Variants in SETD2 observed in about 807,000 individuals in gnomAD.
The protein encoded by SETD2 is histone-lysine N-methyltransferase SETD2.
In SETD2, 31 loss-of-function variants were observed where a neutral mutation model predicts 242.1. The observed-to-expected ratio is 0.13, with a 90% confidence interval of 0.10 to 0.17. The LOEUF is 0.17. SETD2 is among the 10% of genes least tolerant of loss of function. The probability of loss-of-function intolerance (pLI) is 1.00; values close to 1 mark genes in which losing one functional copy is unlikely to be tolerated. For synonymous variants in SETD2, 1,006 were observed against 1,066.5 expected, an observed-to-expected ratio of 0.94 and a Z score of 1.11; for missense variants, 2,481 against 3,046.3, an observed-to-expected ratio of 0.81 and a Z score of 4.37.
Position 47,017,046 on chromosome 3 carries a change from A to G in SETD2, c.*47T>C. 1 of 1,584,226 alleles carries G rather than the reference A, an allele frequency of 6.3e-7. No homozygotes were observed. Among genetic ancestry groups the G allele is most frequent in the Non-Finnish European group, 8.7e-7 (1 of 1,154,860 alleles). On this transcript the variant is annotated 3_prime_UTR_variant, in exon 21 of 21. Transcript: ENST00000409792. This position sits in a 1 kb window ranked among gnomAD's most constrained non-coding sequence, Gnocchi z 4.8. ...AAGGCCCACAGGATTTCCTCTCCCT[A>G]GAGTCTGTCTTACCTGACCACCCAT...
intron 17 of SETD2, among the ~76,000 whole-genome samples, chr3:47,039,988 G>C (rs1398257078): frequency 1.3e-5 from 2 of 150,140 alleles, no homozygotes; most frequent in Non-Finnish European, 3.0e-5. Flanking sequence ...AAGCCTTTTT[G>C]TTTTTTGAGA....
At chr3:47,109,680 T>A (rs556774651) in intron 5 of SETD2, among the ~76,000 whole-genome samples, 1 of 152,026 alleles carries the variant, frequency 6.6e-6, no homozygotes, top group African/African-American at 2.4e-5. Flanking sequence ...AGGGGAAAGA[T>A]GGCTTCTAAA....
At chr3:47,094,246 CAAGT>C (rs549345832) in intron 9 of SETD2, among the ~76,000 whole-genome samples, 13 of 152,138 alleles carry the variant, frequency 8.5e-5, no homozygotes, top group Non-Finnish European at 1.9e-4. Flanking sequence ...ATACTTCCAT[CAAGT>C]AAGTAAGTAC....
At chr3:47,064,318 C>G (rs1291218312) in intron 13 of SETD2, among the ~76,000 whole-genome samples, 1 of 152,118 alleles carries the variant, frequency 6.6e-6, no homozygotes, top group Non-Finnish European at 1.5e-5. Flanking sequence ...AAGAAGCTAA[C>G]AGAACTCATT....
chr3:47,084,347 A>C lies in SETD2; in HGVS notation c.5433T>G (p.Thr1811=). 6.2e-7 allele frequency: 1 copy of C among 1,613,568 alleles called. No homozygotes were observed. The highest frequency in any genetic ancestry group is 1.1e-5 in the South Asian group (1 of 91,062). The change falls in exon 12 of 21, where the codon ACT becomes ACG. Residue 1811 remains threonine (T), a synonymous_variant. Coordinates refer to ENST00000409792, the MANE Select transcript of SETD2 (RefSeq NM_014159.7). ...CTTTGCTTTCCTCCAACATATTTTT[A>C]GTAGGAATGGGCAAGTGTTCCAAAG... The part of the protein sequence containing the change: ...IKTLEHLPIP[T]KNMLEESKVL...
At position 47,126,814 on chromosome 3, in the gene SETD2, C is replaced by CA. The variant is rs200216979; in HGVS notation, c.72-152dup. On this transcript the variant is annotated intron_variant, in intron 1 of 20. Coordinates refer to ENST00000409792, the MANE Select transcript of SETD2 (RefSeq NM_014159.7). ...TATGGATTGTCCATTCCTTCACACTCAGTTACATTTAGTTTAACAAATATT... is the reference window on the plus strand; with the variant it reads ...TATGGATTGTCCATTCCTTCACACTCAAGTTACATTTAGTTTAACAAATATT... Among the ~76,000 whole-genome samples, 1,116 of 152,298 alleles carry CA rather than the reference C, an allele frequency of 7.3e-3. 17 individuals carry two copies. Among genetic ancestry groups the CA allele is most frequent in the African/African-American group, 0.025 (1,058 of 41,546 alleles).
At chr3:47,087,729 G>A (rs147969888) in intron 10 of SETD2, among the ~76,000 whole-genome samples, 34 of 152,304 alleles carry the variant, frequency 2.2e-4, no homozygotes, top group Admixed American at 4.6e-4. Flanking sequence ...CATTCTGGGA[G>A]GCTGAGACGG....
intron 18 of SETD2, among the ~76,000 whole-genome samples, chr3:47,027,917 G>A (rs1432514057): frequency 4.0e-5 from 6 of 151,414 alleles, no homozygotes; most frequent in East Asian, 3.9e-4. Context: ...TCAGCCTCCC[G>A]AGTAGCTAGG....
intron 15 of SETD2, among the ~76,000 whole-genome samples, chr3:47,055,863 A>G (rs2040033519): frequency 1.3e-5 from 2 of 151,230 alleles, no homozygotes; most frequent in South Asian, 4.2e-4. Flanking sequence ...ATACAAAAAA[A>G]TTAGCCAGGC....
chr3:47,163,694 G>T, intron 1 of SETD2, 160 bp downstream of exon 1: 1 of 554,574 alleles, frequency 1.8e-6, no homozygotes, highest in Non-Finnish European at 2.6e-6. Context: ...CAAGCGGCTC[G>T]AAGTGGCGGC....
chr3:47,059,989 T>A (rs2040264349), intron 14 of SETD2, among the ~76,000 whole-genome samples: 2 of 152,168 alleles, frequency 1.3e-5, no homozygotes, highest in Non-Finnish European at 2.9e-5. Context: ...TTCACCATGT[T>A]GACCAGGCTA....
chr3:47,083,691 G>C (rs2107637111), intron 12 of SETD2, 29 bp downstream of exon 12: 1 of 1,565,620 alleles, frequency 6.4e-7, no homozygotes, highest in Admixed American at 2.0e-5. Flanking sequence ...AGTAATTCAA[G>C]TTGAAATGAA....
In SETD2 at chr3:47,123,877, A is replaced by G. The variant is rs1245051295; in HGVS notation, c.759T>C (p.Asp253=). 1.3e-6 allele frequency: 2 copies of G among 1,551,860 alleles called. No individual in the cohort carries two copies. Among genetic ancestry groups the G allele is most frequent in the Non-Finnish European group, 1.7e-6 (2 of 1,146,756 alleles). The change falls in exon 3 of 21, where the codon GAT becomes GAC. Residue 253 remains aspartate, a synonymous_variant. Coordinates refer to ENST00000409792, the MANE Select transcript of SETD2 (RefSeq NM_014159.7). ...TATTAGATATAGTGTCCTGCTTAGT[A>G]TCTGCTTCTAAAGATTCTGGTACAA... The part of the protein sequence containing the change: ...IIIVPESLEA[D]TKQDTISNSL...
At position 47,159,208 on chromosome 3, in the gene SETD2, T is replaced by C. The variant is rs984448004; in HGVS notation, c.71+4646A>G. 2.4e-4 allele frequency among the ~76,000 whole-genome samples: 37 copies of C among 152,328 alleles called. 7 individuals are homozygous for C. The highest frequency in any genetic ancestry group is 1.9e-3 in the Admixed American group (29 of 15,290). On this transcript the variant is annotated intron_variant, in intron 1 of 20. Coordinates refer to ENST00000409792, the MANE Select transcript of SETD2 (RefSeq NM_014159.7). ...TTCATGGCTTGAATAATACCTAAACTGGTGAAAACAAAATTTATCTCCATT... is the reference window on the plus strand; with the variant it reads ...TTCATGGCTTGAATAATACCTAAACCGGTGAAAACAAAATTTATCTCCATT...
At chr3:47,101,592 T>G in intron 7 of SETD2, 37 bp from the exon 8 acceptor site, 1 of 1,156,328 alleles carries the variant, frequency 8.6e-7, no homozygotes, top group Non-Finnish European at 1.3e-6. Flanking sequence ...AATTAGTAAC[T>G]TATTAGTGTG....
chr3:47,140,901 T>C (rs376351115), intron 1 of SETD2, among the ~76,000 whole-genome samples: 4 of 152,150 alleles, frequency 2.6e-5, no homozygotes, highest in East Asian at 1.9e-4. Flanking sequence ...ATTCTAAGTA[T>C]CGAATACGAA....
intron 1 of SETD2, among the ~76,000 whole-genome samples, chr3:47,148,114 TTGTTG>T (rs1353575228): frequency 2.6e-4 from 1 of 3,888 alleles, no homozygotes; most frequent in African/African-American, 5.1e-3. Context: ...TTGTGTTTTG[TTGTTG>T]TTGTTGTTGT....
chr3:47,053,630 T>C (rs1013267390), intron 15 of SETD2, among the ~76,000 whole-genome samples: 2 of 152,218 alleles, frequency 1.3e-5, no homozygotes, highest in African/African-American at 2.4e-5. Context: ...CAGACGTAAA[T>C]GTATATTATA....
chr3:47,137,730 A>G (rs1386204219), intron 1 of SETD2, among the ~76,000 whole-genome samples: 2 of 152,196 alleles, frequency 1.3e-5, no homozygotes, highest in Non-Finnish European at 2.9e-5. Context: ...GCTGTCGCCC[A>G]GGCTGGAGTG....
Sources: allele counts gnomAD v4.1 joint callset (sites outside exome capture counted in the v4.1 genomes callset), GRCh38; gene constraint gnomAD v4.1.1; non-coding constraint Gnocchi (gnomAD v3.1); transcripts MANE v1.5; gene names NCBI Gene and HGNC (gene_info 2026-07-23, HGNC 2026-07-21).